The following GKAP1 variants were observed in gnomAD, a reference collection of about 807,000 sequenced individuals.
GKAP1 encodes G kinase anchoring protein 1.
Under a neutral mutation model 56.7 loss-of-function variants are expected in GKAP1, and 31 were observed. The observed-to-expected ratio is 0.55, with a 90% confidence interval of 0.41 to 0.74. The LOEUF (loss-of-function observed/expected upper bound fraction) is 0.74, where lower values mean the gene tolerates loss of function less well. GKAP1 is among the 30% of genes least tolerant of loss of function. The pLI is 0.00. For synonymous variants in GKAP1, 151 were observed against 138.6 expected (o/e 1.09, Z -0.63); for missense variants, 364 against 402.3 (o/e 0.90, Z 0.82).
intron 8 of GKAP1, among the ~76,000 whole-genome samples, chr9:83,767,117 A>G (rs1337238804): frequency 1.3e-5 from 2 of 152,208 alleles, no homozygotes; most frequent in South Asian, 4.1e-4. Context: ...GAGGTCTGAG[A>G]GGTAACACAC....
Position 83,806,453 on chromosome 9 carries a change from T to C in GKAP1, c.65A>G (p.Asp22Gly). The change falls in exon 3 of 13, where the codon GAT (aspartate) becomes GGT (glycine). Residue 22 changes from aspartate (D) to glycine (G), a missense_variant. By Grantham distance (94) the Asp-to-Gly change is moderately conservative. Transcript: ENST00000376371. Reference sequence around the variant, plus strand: ...TTCAGAATCAGAGCCACTGCCACTATCCACTTGTAACAGGGCAAAACGAGA... The same window carrying C: ...TTCAGAATCAGAGCCACTGCCACTACCCACTTGTAACAGGGCAAAACGAGA... ...TASRFALLQV[D>G]SGSGSDSEPG... is the part of the protein sequence containing the mutation. 2 of 1,614,056 alleles carry C rather than the reference T, an allele frequency of 1.2e-6. No individual in the cohort carries two copies. The highest frequency in any genetic ancestry group is 1.7e-6 in the Non-Finnish European group (2 of 1,179,970).
chr9:83,770,186 A>C (rs1160110177), intron 7 of GKAP1, among the ~76,000 whole-genome samples: 1 of 152,188 alleles, frequency 6.6e-6, no homozygotes, highest in African/African-American at 2.4e-5. Context: ...TTTGTATCAC[A>C]GAAGTTTTTA....
chr9:83,753,190 A>G (rs10868053), intron 9 of GKAP1, 68 bp downstream of exon 9: 524,620 of 887,350 alleles, frequency 0.59, 157,422 homozygotes, highest in Admixed American at 0.74. Context: ...ATATTTACAT[A>G]TAAGAAAAAC....
At chr9:83,742,637 A>G in intron 10 of GKAP1, 37 bp from the exon 11 acceptor site, 5 of 1,374,384 alleles carry the variant, frequency 3.6e-6, no homozygotes, top group Non-Finnish European at 5.2e-6. Flanking sequence ...TAGATTTTCC[A>G]GTCACCCAAA....
intron 10 of GKAP1, among the ~76,000 whole-genome samples, chr9:83,747,316 A>C (rs543645908): frequency 6.2e-4 from 94 of 152,232 alleles, no homozygotes; most frequent in African/African-American, 2.2e-3. Context: ...ATTTTTTTCT[A>C]TTGATTTCCT....
At chr9:83,760,139 T>C (rs573476084) in intron 8 of GKAP1, among the ~76,000 whole-genome samples, 52 of 152,182 alleles carry the variant, frequency 3.4e-4, no homozygotes, top group African/African-American at 1.2e-3. Context: ...ATCTGTTGCC[T>C]ACAAGAAACA....
intron 8 of GKAP1, among the ~76,000 whole-genome samples, chr9:83,760,580 C>T (rs568073254): frequency 6.6e-6 from 1 of 152,248 alleles, no homozygotes; most frequent in East Asian, 1.9e-4. Context: ...TTTTCTTCAG[C>T]ACACAGATCA....
intron 6 of GKAP1, among the ~76,000 whole-genome samples, chr9:83,783,397 G>A (rs1441948358): frequency 1.3e-5 from 2 of 152,124 alleles, no homozygotes; most frequent in Non-Finnish European, 2.9e-5. Context: ...CTTGAAATAC[G>A]GCTAATGCAA....
chr9:83,795,099 T>C (rs1413013328), intron 4 of GKAP1, among the ~76,000 whole-genome samples: 1 of 137,588 alleles, frequency 7.3e-6, no homozygotes, highest in African/African-American at 2.8e-5. Context: ...GAGGTCACAG[T>C]GAGCCGAGAT....
At position 83,816,165 on chromosome 9, in the gene GKAP1, G is replaced by C. The variant is rs369146282; in HGVS notation, c.-44+831C>G. ...GATCGCGCCATTACACTCCAGCCTG[G>C]GCAACAAGAGCAAAATTCCGCCTCA... On this transcript the variant is annotated intron_variant, in intron 2 of 12. Coordinates refer to ENST00000376371, the MANE Select transcript of GKAP1 (RefSeq NM_025211.4). Among the ~76,000 whole-genome samples, 34 of 151,980 alleles carry C rather than the reference G, an allele frequency of 2.2e-4. No homozygotes were observed. In the East Asian group the frequency reaches 5.2e-3, roughly 23 times the overall value.
chr9:83,789,733 TC>T (rs1247270326), intron 4 of GKAP1, among the ~76,000 whole-genome samples: 2 of 151,004 alleles, frequency 1.3e-5, no homozygotes, highest in African/African-American at 4.9e-5. Context: ...TCCTTTTTTT[TC>T]CTCCCAGGAA....
At chr9:83,740,369 TAAC>T (rs1587682129) in intron 12 of GKAP1, among the ~76,000 whole-genome samples, 1 of 146,472 alleles carries the variant, frequency 6.8e-6, no homozygotes, top group Non-Finnish European at 1.5e-5. Flanking sequence ...TATTTTAACA[TAAC>T]ATAACATAAC....
intron 10 of GKAP1, among the ~76,000 whole-genome samples, chr9:83,745,193 GATA>G (rs1376288171): frequency 1.3e-5 from 2 of 152,008 alleles, no homozygotes; most frequent in African/African-American, 4.8e-5. Flanking sequence ...ACCATGCCAG[GATA>G]ATTTTTGTAC....
chr9:83,777,386 A>T (rs1363833179), intron 7 of GKAP1, among the ~76,000 whole-genome samples: 1 of 152,216 alleles, frequency 6.6e-6, no homozygotes, highest in African/African-American at 2.4e-5. Flanking sequence ...ACATATTAAA[A>T]AACAAAACAA....
chr9:83,811,054 T>C (rs910604420), intron 2 of GKAP1, among the ~76,000 whole-genome samples: 1 of 152,212 alleles, frequency 6.6e-6, no homozygotes, highest in African/African-American at 2.4e-5. Context: ...ATGTCCATCA[T>C]TGACCAAAAC....
rs1040341495 is a variant in GKAP1 at position 83,797,586 on chromosome 9, T to C, written c.360+1599A>G. Among the ~76,000 whole-genome samples, 24 of 152,220 alleles carry C rather than the reference T, an allele frequency of 1.6e-4. 1 individual carries two copies. Among genetic ancestry groups the C allele is most frequent in the African/African-American group, 5.5e-4 (23 of 41,452 alleles). On this transcript the variant is annotated intron_variant, in intron 4 of 12. Transcript: ENST00000376371. ...ACATAAGGCTCCAGGTCTTCCTAAGTGACCCATCAGTAGTATACTCAGCAG... is the reference window on the plus strand; with the variant it reads ...ACATAAGGCTCCAGGTCTTCCTAAGCGACCCATCAGTAGTATACTCAGCAG...
intron 7 of GKAP1, among the ~76,000 whole-genome samples, chr9:83,771,899 C>T (rs1262151333): frequency 6.6e-6 from 1 of 152,022 alleles, no homozygotes; most frequent in African/African-American, 2.4e-5. Context: ...GCCAATGTCC[C>T]TGCTTGTTGA....
At chr9:83,744,762 T>C (rs879561662) in intron 10 of GKAP1, among the ~76,000 whole-genome samples, 3 of 152,174 alleles carry the variant, frequency 2.0e-5, no homozygotes, top group Non-Finnish European at 4.4e-5. Flanking sequence ...GGGTAATTTA[T>C]AAAGAAAAGA....
intron 4 of GKAP1, among the ~76,000 whole-genome samples, chr9:83,791,397 C>T (rs780209057): frequency 4.2e-5 from 5 of 120,250 alleles, no homozygotes; most frequent in Admixed American, 1.0e-4. Context: ...AGCGAGACTC[C>T]GTCTCAAAAA....
Sources: allele counts gnomAD v4.1 joint callset (sites outside exome capture counted in the v4.1 genomes callset), GRCh38; gene constraint gnomAD v4.1.1; transcripts MANE v1.5; gene names NCBI Gene and HGNC (gene_info 2026-07-23, HGNC 2026-07-21).